PCDH15: variants seen among roughly 807,000 people sequenced by gnomAD.
PCDH15 encodes the protein protocadherin-15.
In PCDH15, 129 loss-of-function variants were observed where a neutral mutation model predicts 178.5. The observed-to-expected ratio is 0.72, with a 90% CI of 0.63 to 0.84. The LOEUF (loss-of-function observed/expected upper bound fraction) is 0.84. Among genes scored for constraint, PCDH15 ranks in the 40% least tolerant of loss-of-function variants. The pLI is 0.00. For missense variants in PCDH15, 2,230 were observed against 2,099.9 expected (o/e 1.06, Z -1.21); for synonymous variants, 800 against 732.0 (o/e 1.09, Z -1.50).
intron 8 of PCDH15, among the ~76,000 whole-genome samples, chr10:54,296,973 C>G (rs1227016576): frequency 3.9e-5 from 6 of 151,940 alleles, no homozygotes; most frequent in Non-Finnish European, 7.4e-5. Context: ...AATAATCCGA[C>G]CTTCCTCATT....
rs35596789 is a variant in PCDH15, at chr10:54,098,190, TTGTGTGTGTGTGTGTGTG to T, written c.1918-8145_1918-8128del. Among the ~76,000 whole-genome samples the T allele has an allele frequency of 2.2e-4, 31 of 143,210 alleles. 2 individuals carry two copies. In the South Asian group the frequency reaches 3.7e-3, roughly 17 times the overall value. The allele number at this position is 143,210 out of a possible 152,430, so 94.0% of individuals were successfully genotyped here. ...TCCAAACTTGACAGAGAAAATAAAG[TTGTGTGTGTGTGTGTGTG>T]TGTGTGTGTGTGTGTGTGTGTGTGT... On this transcript the variant is annotated intron_variant, in intron 15 of 37. Coordinates refer to ENST00000644397, the MANE Select transcript of PCDH15 (RefSeq NM_001384140.1).
intron 33 of PCDH15, among the ~76,000 whole-genome samples, chr10:53,819,456 C>G (rs1455651243): frequency 6.6e-6 from 1 of 151,924 alleles, no homozygotes; most frequent in Admixed American, 6.6e-5. Flanking sequence ...TACTACTTTA[C>G]CTGTGTGCTT....
intron 33 of PCDH15, among the ~76,000 whole-genome samples, chr10:53,819,901 A>G (rs2076195021): frequency 6.6e-6 from 1 of 152,052 alleles, no homozygotes; most frequent in South Asian, 2.1e-4. Context: ...AAACACAGGT[A>G]TCTATGTTTC....
intron 3 of PCDH15, among the ~76,000 whole-genome samples, chr10:54,479,604 A>G (rs2078555539): frequency 6.6e-6 from 1 of 151,924 alleles, no homozygotes; most frequent in African/African-American, 2.4e-5. Context: ...AAGAATGTTA[A>G]AAAGAATCAA....
intron 2 of PCDH15, among the ~76,000 whole-genome samples, chr10:55,464,843 C>A (rs929234789): frequency 6.7e-6 from 1 of 149,544 alleles, no homozygotes; most frequent in Non-Finnish European, 1.5e-5. Context: ...TTGTGCCCAT[C>A]CTTGATATTT....
intron 2 of PCDH15, chr10:54,600,076 C>G: frequency 3.6e-6 from 4 of 1,113,370 alleles, no homozygotes; most frequent in Non-Finnish European, 5.3e-6. Flanking sequence ...CGAGGAAGCT[C>G]CCAAGGAATA....
intron 1 of PCDH15, among the ~76,000 whole-genome samples, chr10:55,288,569 G>A (rs1486493154): frequency 1.3e-5 from 2 of 151,762 alleles, no homozygotes; most frequent in Non-Finnish European, 2.9e-5. Context: ...TCTATTCTCT[G>A]CCTGTATGAG....
intron 1 of PCDH15, among the ~76,000 whole-genome samples, chr10:54,714,607 T>C (rs148090629): frequency 4.6e-5 from 7 of 152,266 alleles, no homozygotes; most frequent in African/African-American, 1.4e-4. Flanking sequence ...AGTCATCTTA[T>C]AGGCTTCTTA....
chr10:54,503,022 G>T (rs1406085530), intron 3 of PCDH15, among the ~76,000 whole-genome samples: 4 of 151,622 alleles, frequency 2.6e-5, no homozygotes, highest in African/African-American at 4.8e-5. Flanking sequence ...ATACATATAT[G>T]TAAAATACAT....
chr10:54,066,305 A>G (rs1020578594), intron 18 of PCDH15, among the ~76,000 whole-genome samples: 2 of 152,198 alleles, frequency 1.3e-5, no homozygotes, highest in African/African-American at 4.8e-5. Flanking sequence ...TAAGTTTACT[A>G]CGAGTAAATC....
At chr10:54,278,075 G>A (rs1017482069) in intron 8 of PCDH15, among the ~76,000 whole-genome samples, 1 of 151,522 alleles carries the variant, frequency 6.6e-6, no homozygotes, top group South Asian at 2.1e-4. Context: ...ATAGATGACA[G>A]TATACTAAGT....
intron 2 of PCDH15, among the ~76,000 whole-genome samples, chr10:54,614,517 A>T (rs544520833): frequency 1.7e-4 from 26 of 152,056 alleles, no homozygotes; most frequent in Admixed American, 5.3e-4. Flanking sequence ...AGCAATTTAA[A>T]CTTGAATAAT....
chr10:55,461,505 T>C (rs1589048204), intron 2 of PCDH15, among the ~76,000 whole-genome samples: 1 of 149,290 alleles, frequency 6.7e-6, no homozygotes, highest in Admixed American at 6.7e-5. Flanking sequence ...CATAGCGTGT[T>C]TTGACAATGC....
intron 2 of PCDH15, among the ~76,000 whole-genome samples, chr10:55,334,250 G>A (rs1478138267): frequency 2.2e-3 from 185 of 83,776 alleles, no homozygotes; most frequent in African/African-American, 7.0e-3. Context: ...ATATGTGTGT[G>A]TGTGTGTGTG....
chr10:54,043,526 T>C (rs1269356300), intron 18 of PCDH15, among the ~76,000 whole-genome samples: 2 of 152,052 alleles, frequency 1.3e-5, no homozygotes, highest in Non-Finnish European at 2.9e-5. Context: ...TAGCTGGGAC[T>C]ACAGGTATGC....
At chr10:55,459,171 T>C (rs1369441983) in intron 2 of PCDH15, among the ~76,000 whole-genome samples, 1 of 145,282 alleles carries the variant, frequency 6.9e-6, no homozygotes, top group Admixed American at 7.1e-5. Flanking sequence ...ATTATCATTC[T>C]TAAGTCTGAA....
chr10:55,277,284 T>C (rs1455126962), intron 1 of PCDH15, among the ~76,000 whole-genome samples: 1 of 152,106 alleles, frequency 6.6e-6, no homozygotes, highest in Non-Finnish European at 1.5e-5. Context: ...CCAGTCTTTT[T>C]TTCAGGTAGT....
At chr10:55,328,607 T>C (rs2132307540) in intron 2 of PCDH15, among the ~76,000 whole-genome samples, 1 of 151,696 alleles carries the variant, frequency 6.6e-6, no homozygotes, top group Non-Finnish European at 1.5e-5. Context: ...TCCATATTCA[T>C]TGGTTCCATA....
In PCDH15 at chr10:54,317,224, G is replaced by A. The variant is rs1220116090; in HGVS notation, c.876+47C>T. The A allele has an allele frequency of 6.4e-6, 10 of 1,574,502 alleles. No individual in the cohort carries two copies. The Middle Eastern group carries it at 1.2e-3, about 183-fold the overall frequency. Reference sequence around the variant, plus strand: ...AAAATACTTGAACATGATCCCATTGGGTTTTAAAACATGCAAATAAATGGA... The same window carrying A: ...AAAATACTTGAACATGATCCCATTGAGTTTTAAAACATGCAAATAAATGGA... On this transcript the variant is annotated intron_variant, in intron 8 of 37. Transcript: ENST00000644397.
Sources: allele counts gnomAD v4.1 joint callset (sites outside exome capture counted in the v4.1 genomes callset), GRCh38; gene constraint gnomAD v4.1.1; transcripts MANE v1.5; gene names NCBI Gene and HGNC (gene_info 2026-07-23, HGNC 2026-07-21).